Variants in EDC3 observed in about 807,000 individuals in gnomAD.
The protein encoded by EDC3 is enhancer of mRNA-decapping protein 3.
Under a neutral mutation model 41.8 loss-of-function variants are expected in EDC3, and 20 were observed. The ratio of observed to expected loss-of-function variants is 0.48; its 90% confidence interval spans 0.34 to 0.70. EDC3 has a LOEUF of 0.70. EDC3 is among the 30% of genes least tolerant of loss of function. The pLI is 0.01. For synonymous variants in EDC3, 206 were observed against 243.2 expected (o/e 0.85, Z 1.42); for missense variants, 444 against 636.8 (o/e 0.70, Z 3.26).
chr15:74,687,594 T>G (rs147382716), intron 1 of EDC3, among the ~76,000 whole-genome samples: 3 of 152,298 alleles, frequency 2.0e-5, no homozygotes, highest in African/African-American at 7.2e-5. Flanking sequence ...GCCAGACTGA[T>G]CTCGAACTCC....
In EDC3 at chr15:74,663,347, G is replaced by C. The variant is rs186542461; in HGVS notation, c.485-7279C>G. Among the ~76,000 whole-genome samples the C allele has an allele frequency of 7.9e-5, 12 of 152,180 alleles. No individual in the cohort carries two copies. The South Asian group carries it at 2.5e-3, about 32-fold the overall frequency. On this transcript the variant is annotated intron_variant, in intron 3 of 6. Transcript: ENST00000315127. Reference sequence around the variant, plus strand: ...AAGAAAAAGAAAAAGAAAAGCATAAGTTGCTTCTCTAACCACTAGCCCAGT... The same window carrying C: ...AAGAAAAAGAAAAAGAAAAGCATAACTTGCTTCTCTAACCACTAGCCCAGT...
At chr15:74,654,075 A>AC (rs779264308) in intron 4 of EDC3, among the ~76,000 whole-genome samples, 5 of 152,004 alleles carry the variant, frequency 3.3e-5, no homozygotes, top group Non-Finnish European at 7.4e-5. Context: ...ACATAGTGAA[A>AC]CCCCATCTCT....
chr15:74,662,056 C>T (rs562173711), intron 3 of EDC3, among the ~76,000 whole-genome samples: 1 of 152,258 alleles, frequency 6.6e-6, no homozygotes, highest in Admixed American at 6.5e-5. Flanking sequence ...TTTATGGCCA[C>T]ATAAATCATA....
intron 4 of EDC3, chr15:74,643,832 A>ATT (rs1173229691): frequency 1.3e-5 from 2 of 152,126 alleles, no homozygotes; most frequent in East Asian, 3.9e-4. Context: ...TGGCCCTTTA[A>ATT]TTGGAAAGGC....
intron 3 of EDC3, among the ~76,000 whole-genome samples, chr15:74,658,002 G>A (rs1305163736): frequency 1.3e-5 from 2 of 152,064 alleles, no homozygotes; most frequent in Non-Finnish European, 2.9e-5. Flanking sequence ...CCCTGTCTCT[G>A]ACACCTTATT....
At chr15:74,673,835 A>AT (rs2062769443) in intron 2 of EDC3, among the ~76,000 whole-genome samples, 1 of 144,898 alleles carries the variant, frequency 6.9e-6, no homozygotes, top group African/African-American at 2.6e-5. Context: ...GTGAGACTCC[A>AT]TCAAAAAAAA....
In EDC3 at chr15:74,632,895, T is replaced by C; in HGVS notation, c.1244A>G (p.Glu415Gly). The C allele has an allele frequency of 6.2e-7, 1 of 1,614,236 alleles. No homozygotes were observed. The highest frequency in any genetic ancestry group is 8.5e-7 in the Non-Finnish European group (1 of 1,180,036). The change falls in exon 7 of 7, where the codon GAG (glutamate) becomes GGG (glycine). Residue 415 changes from glutamate to glycine, a missense_variant. Physicochemically the swap from Glu to Gly is moderately conservative, Grantham distance 98. Transcript: ENST00000315127. The surrounding 1 kb of genome is among the most constrained non-coding windows in gnomAD (Gnocchi z 4.0). ...DLVINCLDCP[E>G]NVFLRDQPWY... is the part of the protein sequence containing the mutation. ...GGGTTGATCGCGCAGGAAGACGTTC[T>C]CAGGGCAATCCAGGCAGTTGATGAC...
chr15:74,641,647 A>C (rs758535678), intron 4 of EDC3: 3 of 152,690 alleles, frequency 2.0e-5, no homozygotes, highest in Non-Finnish European at 4.4e-5. Context: ...CAGTGGACCA[A>C]CCAACGCAGA....
chr15:74,693,608 C>T (rs1324145890), intron 1 of EDC3, among the ~76,000 whole-genome samples: 1 of 152,142 alleles, frequency 6.6e-6, no homozygotes, highest in East Asian at 1.9e-4. Flanking sequence ...CAAACCTCTC[C>T]ATACATAGAT....
intron 1 of EDC3, among the ~76,000 whole-genome samples, chr15:74,677,836 GCAAT>G (rs1211777313): frequency 1.3e-5 from 2 of 152,114 alleles, no homozygotes; most frequent in African/African-American, 4.8e-5. Context: ...AAATTCGGAA[GCAAT>G]CAAGACATCC....
At chr15:74,690,649 T>C (rs2062996985) in intron 1 of EDC3, among the ~76,000 whole-genome samples, 1 of 152,150 alleles carries the variant, frequency 6.6e-6, no homozygotes, top group South Asian at 2.1e-4. Flanking sequence ...GGCAGAGATC[T>C]TAAAAGAAAA....
intron 3 of EDC3, among the ~76,000 whole-genome samples, chr15:74,662,380 G>C (rs1319479441): frequency 6.6e-6 from 1 of 151,042 alleles, no homozygotes; most frequent in Admixed American, 6.6e-5. Context: ...TTCAGCGTAA[G>C]TACACAAAAC....
chr15:74,657,954 C>T (rs2062571200), intron 3 of EDC3, among the ~76,000 whole-genome samples: 1 of 152,236 alleles, frequency 6.6e-6, no homozygotes, highest in East Asian at 1.9e-4. Context: ...CTGTAGAGGC[C>T]ACACTAATGC....
In EDC3 at chr15:74,674,985, C is replaced by T; in HGVS notation, c.140G>A (p.Cys47Tyr). The change falls in exon 2 of 7, where the codon TGT (cysteine) becomes TAT (tyrosine). Residue 47 changes from cysteine to tyrosine, a missense_variant. Cys to Tyr is a radical substitution (Grantham distance 194, BLOSUM62 -2). Coordinates refer to ENST00000315127, the MANE Select transcript of EDC3 (RefSeq NM_025083.5). The stretch of plus-strand genomic sequence containing the variant: ...CCTGAAGGTGACTTCTGGAACAAGA[C>T]ACTTCACTCCATTATGGAAAGGCCG... ...LTRPFHNGVKCLVPEVTFRAG... is the reference protein window; with the variant it reads ...LTRPFHNGVKYLVPEVTFRAG... The T allele has an allele frequency of 5.6e-6, 9 of 1,614,170 alleles. No homozygotes were observed. Among genetic ancestry groups the T allele is most frequent in the Non-Finnish European group, 7.6e-6 (9 of 1,180,042 alleles).
intron 4 of EDC3, chr15:74,643,717 T>A (rs188220192): frequency 6.6e-6 from 1 of 152,396 alleles, no homozygotes; most frequent in East Asian, 1.9e-4. Flanking sequence ...AGTAGTACCA[T>A]GTCCAAGGTT....
intron 1 of EDC3, among the ~76,000 whole-genome samples, chr15:74,689,714 T>G (rs930989247): frequency 6.6e-6 from 1 of 151,824 alleles, no homozygotes; most frequent in Non-Finnish European, 1.5e-5. Context: ...TTAGTGGAGA[T>G]GGGGTTTCAC....
At chr15:74,647,616 C>G (rs1004684472) in intron 4 of EDC3, among the ~76,000 whole-genome samples, 1 of 152,156 alleles carries the variant, frequency 6.6e-6, no homozygotes, top group Non-Finnish European at 1.5e-5. Flanking sequence ...CATAACCAAG[C>G]CCTTCAGGCC....
intron 3 of EDC3, among the ~76,000 whole-genome samples, chr15:74,661,543 CG>C (rs1015924530): frequency 6.6e-6 from 1 of 151,696 alleles, no homozygotes; most frequent in African/African-American, 2.4e-5. Flanking sequence ...TTTGGGAGGC[CG>C]AGGTGGGCAG....
At chr15:74,635,377 G>C (rs747680323) in intron 6 of EDC3, 32 bp downstream of exon 6, 6 of 1,601,176 alleles carry the variant, frequency 3.7e-6, no homozygotes, top group Middle Eastern at 1.7e-4. Flanking sequence ...GGAGGGAGGA[G>C]GCCTTCAGCC....
Sources: gnomAD v4.1 joint callset for allele counts (sites outside exome capture counted in the v4.1 genomes callset) on GRCh38, gnomAD v4.1.1 for gene constraint, Gnocchi (gnomAD v3.1) non-coding constraint, MANE v1.5 for transcripts, NCBI Gene and HGNC (gene_info 2026-07-23, HGNC 2026-07-21) for gene names.